PRCP: variants seen among roughly 807,000 people sequenced by gnomAD.
PRCP encodes prolylcarboxypeptidase, also known as lysosomal Pro-X carboxypeptidase.
A neutral mutation model predicts 54.2 loss-of-function variants in PRCP; 46 were observed. That is an observed-to-expected ratio of 0.85 (90% CI 0.67 to 1.09). The LOEUF is 1.09. Ranked by LOEUF, PRCP falls within the 50% of genes least tolerant of loss-of-function variation. The pLI is 0.00. For missense variants in PRCP, 613 were observed against 596.8 expected (o/e 1.03, Z -0.28); for synonymous variants, 240 against 212.2 (o/e 1.13, Z -1.14).
At chr11:82,873,066 G>GTTGT (rs1859515468) in intron 1 of PRCP, among the ~76,000 whole-genome samples, 1 of 119,038 alleles carries the variant, frequency 8.4e-6, no homozygotes, top group Non-Finnish European at 1.9e-5. Context: ...ATTCTGATCT[G>GTTGT]TTTTTTTTTT....
intron 1 of PRCP, among the ~76,000 whole-genome samples, chr11:82,865,443 CACT>C (rs1202413297): frequency 1.3e-5 from 2 of 152,318 alleles, no homozygotes; most frequent in East Asian, 3.9e-4. Context: ...ATTGTTACTA[CACT>C]ACTATTGCTA....
intron 1 of PRCP, among the ~76,000 whole-genome samples, chr11:82,880,644 G>A (rs185865027): frequency 6.6e-6 from 1 of 152,226 alleles, no homozygotes; most frequent in East Asian, 1.9e-4. Flanking sequence ...TTCCTATTCG[G>A]CCATCTTGGA....
chr11:82,900,638 C>T, upstream of PRCP: 2 of 675,290 alleles, frequency 3.0e-6, no homozygotes, highest in Non-Finnish European at 5.4e-6. Context: ...GCCATCTGCT[C>T]CTTAGCACTC....
intron 1 of PRCP, among the ~76,000 whole-genome samples, chr11:82,893,376 T>C (rs987628358): frequency 6.6e-6 from 1 of 152,202 alleles, no homozygotes; most frequent in Admixed American, 6.5e-5. Flanking sequence ...TCCTGGATAA[T>C]ACAAGCAAGC....
At chr11:82,865,656 T>C (rs1181982094) in intron 1 of PRCP, among the ~76,000 whole-genome samples, 1 of 152,170 alleles carries the variant, frequency 6.6e-6, no homozygotes, top group Non-Finnish European at 1.5e-5. Context: ...CTCCAATAAA[T>C]CAAAGCACCT....
At chr11:82,840,839 G>A (rs1201955359) in intron 6 of PRCP, 1 of 151,734 alleles carries the variant, frequency 6.6e-6, no homozygotes, top group African/African-American at 2.4e-5. Flanking sequence ...CACTCAGTTG[G>A]TAAATAATAG....
intron 6 of PRCP, among the ~76,000 whole-genome samples, chr11:82,841,538 G>A (rs10459044): frequency 0.33 from 50,593 of 151,972 alleles, 8,825 homozygotes; most frequent in African/African-American, 0.42. Context: ...AAAGGAAGAT[G>A]GAGTGTGCAT....
intron 1 of PRCP, among the ~76,000 whole-genome samples, chr11:82,883,652 C>G (rs189386456): frequency 2.6e-5 from 4 of 152,166 alleles, no homozygotes; most frequent in Non-Finnish European, 2.9e-5. Context: ...AAATAAAGCA[C>G]GTAAAAATAA....
intron 6 of PRCP, chr11:82,840,872 T>C (rs776736351): frequency 2.6e-5 from 4 of 151,862 alleles, no homozygotes; most frequent in Admixed American, 6.6e-5. Flanking sequence ...TTCCCAGCTG[T>C]CTCTGGTTAT....
At chr11:82,836,887 C>T in intron 8 of PRCP, 1 of 394,416 alleles carries the variant, frequency 2.5e-6, no homozygotes, top group Non-Finnish European at 5.1e-6. Flanking sequence ...ACAAGTGGTT[C>T]TACAGACGGT....
Position 82,853,275 on chromosome 11 carries a change from A to T in PRCP, c.313T>A (p.Phe105Ile), listed in dbSNP as rs202003232. 1.2e-3 allele frequency: 1,924 copies of T among 1,609,128 alleles called. 30 individuals carry two copies. The South Asian group carries it at 0.02, about 17-fold the overall frequency. The change falls in exon 3 of 9, where the codon TTC (phenylalanine) becomes ATC (isoleucine). Residue 105 changes from phenylalanine to isoleucine, a missense_variant. Coordinates refer to ENST00000313010, the MANE Select transcript of PRCP (RefSeq NM_005040.4). ...AGTTCCTCAGCCACATCCCACATGA[A>T]CCCCTAAGAAGAGTTTACAAAATCA... ...DIIWFCNNTG[F>I]MWDVAEELKA...
intron 1 of PRCP, among the ~76,000 whole-genome samples, chr11:82,866,566 TA>T (rs1159569138): frequency 1.3e-5 from 2 of 151,772 alleles, no homozygotes; most frequent in Non-Finnish European, 2.9e-5. Context: ...GAGAAAATGG[TA>T]AATGAGAAAG....
intron 1 of PRCP, among the ~76,000 whole-genome samples, chr11:82,862,746 G>C (rs3793981): frequency 0.17 from 26,263 of 152,134 alleles, 2,378 homozygotes; most frequent in African/African-American, 0.21. Flanking sequence ...AAAATAAGCA[G>C]TTTTTATGGA....
chr11:82,835,518 G>C (rs998517025), intron 8 of PRCP: 3 of 260,238 alleles, frequency 1.2e-5, no homozygotes, highest in African/African-American at 6.9e-5. Context: ...CACGTCCGGG[G>C]ATGAGACAGT....
intron 1 of PRCP, among the ~76,000 whole-genome samples, chr11:82,880,526 A>T (rs745738701): frequency 6.6e-6 from 1 of 152,166 alleles, no homozygotes; most frequent in Non-Finnish European, 1.5e-5. Flanking sequence ...CATGGGCTGC[A>T]ACCACTGTCT....
chr11:82,863,939 C>A (rs1408539416), intron 1 of PRCP, among the ~76,000 whole-genome samples: 1 of 152,208 alleles, frequency 6.6e-6, no homozygotes, highest in Admixed American at 6.5e-5. Context: ...AACTGTGAAG[C>A]CTCGGGCAAA....
intron 1 of PRCP, among the ~76,000 whole-genome samples, chr11:82,866,473 G>T (rs1365933419): frequency 6.6e-6 from 1 of 152,142 alleles, no homozygotes; most frequent in Non-Finnish European, 1.5e-5. Context: ...AGACAGAACT[G>T]CATTCCCTGA....
chr11:82,871,254 C>T (rs1302815415), intron 1 of PRCP, among the ~76,000 whole-genome samples: 3 of 144,890 alleles, frequency 2.1e-5, no homozygotes, highest in Non-Finnish European at 3.0e-5. Flanking sequence ...GATCTTGGCT[C>T]GTGCAAACTT....
chr11:82,836,453 T>G (rs989711530), intron 8 of PRCP: 1 of 153,474 alleles, frequency 6.5e-6, no homozygotes, highest in Non-Finnish European at 1.5e-5. Context: ...TTCATCAACT[T>G]TATGGATATC....
Sources: allele counts gnomAD v4.1 joint callset (sites outside exome capture counted in the v4.1 genomes callset), GRCh38; gene constraint gnomAD v4.1.1; transcripts MANE v1.5; gene names NCBI Gene and HGNC (gene_info 2026-07-23, HGNC 2026-07-21).